The following ERICH3 variants were observed in gnomAD, a reference collection of about 807,000 sequenced individuals.
The protein encoded by ERICH3 is glutamate rich 3, also known as glutamate-rich protein 3.
A neutral mutation model predicts 131.1 loss-of-function variants in ERICH3; 126 were observed. That is an observed-to-expected ratio of 0.96 (90% CI 0.83 to 1.11). The LOEUF (loss-of-function observed/expected upper bound fraction) is 1.11, where lower values mean the gene tolerates loss of function less well. ERICH3 is among the 50% of genes most tolerant of loss of function. The pLI is 0.00. For missense variants in ERICH3, 2,050 were observed against 1,810.7 expected (o/e 1.13, Z -2.40); for synonymous variants, 695 against 644.6 (o/e 1.08, Z -1.18).
chr1:74,616,354 C>T (rs995537805), intron 8 of ERICH3, among the ~76,000 whole-genome samples: 1 of 151,874 alleles, frequency 6.6e-6, no homozygotes, highest in Non-Finnish European at 1.5e-5. Flanking sequence ...AGCAACAGGC[C>T]AGCGGACAAC....
chr1:74,579,522 G>A lies in ERICH3; in HGVS notation c.2177-2586C>T, dbSNP rs996404742. On this transcript the variant is annotated intron_variant, in intron 12 of 14. Coordinates refer to ENST00000326665, the MANE Select transcript of ERICH3 (RefSeq NM_001002912.5). ...TCGGAAGTAGATGAGAGCCTGTATA[G>A]TTAGGTGTTGCCTATTTCAGATTCA... is the stretch of plus-strand genomic sequence containing the variant. 11 of 985,322 alleles carry A rather than the reference G, an allele frequency of 1.1e-5. No individual in the cohort carries two copies. The Admixed American group carries it at 1.8e-4, about 17-fold the overall frequency. The allele number at this position is 985,322 out of a possible 1,614,324, so 61.0% of individuals were successfully genotyped here.
At chr1:74,606,390 C>A (rs1034776535) in intron 10 of ERICH3, among the ~76,000 whole-genome samples, 3 of 151,850 alleles carry the variant, frequency 2.0e-5, no homozygotes, top group Non-Finnish European at 2.9e-5. Flanking sequence ...CAGCCAGAAC[C>A]TTTAACCTTT....
chr1:74,673,669 C>T lies in ERICH3; in HGVS notation c.-150G>A. 1.5e-6 allele frequency: 1 copy of T among 676,746 alleles called. No homozygotes were observed. The highest frequency in any genetic ancestry group is 2.2e-6 in the Non-Finnish European group (1 of 455,472). The allele number at this position is 676,746 out of a possible 1,614,324, so 41.9% of individuals were successfully genotyped here. A position where few individuals can be genotyped will look rare whatever the true frequency, so the allele number is the denominator to read the frequency against. On this transcript the variant is annotated 5_prime_UTR_variant, in exon 1 of 15. Transcript: ENST00000326665. ...GGCACCTGGGCTGGGCCGCCGCCGC[C>T]CCTGGGCGCCCGGGCTACCCGCAGC...
intron 1 of ERICH3, among the ~76,000 whole-genome samples, chr1:74,667,837 T>C (rs1646706419): frequency 6.6e-6 from 1 of 152,120 alleles, no homozygotes; most frequent in Non-Finnish European, 1.5e-5. Context: ...CACCCAAATC[T>C]CATCTTCAAT....
intron 12 of ERICH3, among the ~76,000 whole-genome samples, chr1:74,583,750 C>T (rs1264640919): frequency 1.3e-5 from 2 of 152,162 alleles, no homozygotes; most frequent in South Asian, 2.1e-4. Flanking sequence ...TCTTCATTAT[C>T]GGTTCTTTCT....
chr1:74,617,210 A>G (rs1307015186), intron 8 of ERICH3, among the ~76,000 whole-genome samples: 1 of 152,026 alleles, frequency 6.6e-6, no homozygotes. Context: ...CAGAAACAAC[A>G]ATAACCTTTG....
In ERICH3 at chr1:74,571,406, C is replaced by A. The variant is rs944390351; in HGVS notation, c.4304G>T (p.Gly1435Val). The change falls in exon 14 of 15, where the codon GGA (glycine) becomes GTA (valine). Residue 1435 changes from glycine (G) to valine (V), a missense_variant. Gly to Val is a moderately radical substitution (Grantham distance 109). Transcript: ENST00000326665. ...YTTEAGVGTP[G>V]ALERKTSGLG... ...CCCTGAGGTCTTCCGCTCCAGGGCT[C>A]CTGGAGTGCCCACCCCAGCCTCTGT... 6.2e-7 allele frequency: 1 copy of A among 1,613,914 alleles called. No individual in the cohort carries two copies. The highest frequency in any genetic ancestry group is 1.7e-5 in the Admixed American group (1 of 59,996).
rs768649949 is a variant in ERICH3, at chr1:74,599,686, A to G, written c.1726+9T>C. Reference sequence around the variant, plus strand: ...CAGCCTATGTTACATGATAAGCTGAACAACTCGCCTTGTTTATCCTCTTCC... The same window carrying G: ...CAGCCTATGTTACATGATAAGCTGAGCAACTCGCCTTGTTTATCCTCTTCC... On this transcript the variant is annotated intron_variant, in intron 11 of 14. Coordinates refer to ENST00000326665, the MANE Select transcript of ERICH3 (RefSeq NM_001002912.5). 1.3e-6 allele frequency: 2 copies of G among 1,592,212 alleles called. No individual in the cohort carries two copies. The highest frequency in any genetic ancestry group is 2.2e-5 in the East Asian group (1 of 44,706).
At chr1:74,665,618 T>C (rs548556818) in intron 1 of ERICH3, among the ~76,000 whole-genome samples, 2 of 152,302 alleles carry the variant, frequency 1.3e-5, no homozygotes, top group South Asian at 4.1e-4. Flanking sequence ...GTTGGTTTCT[T>C]CTGAGGGCCA....
At chr1:74,635,842 A>G (rs768985250) in intron 6 of ERICH3, among the ~76,000 whole-genome samples, 32 of 152,218 alleles carry the variant, frequency 2.1e-4, no homozygotes, top group Non-Finnish European at 3.7e-4. Context: ...TTAAAAGTCA[A>G]ACTTGAAGCA....
intron 7 of ERICH3, 43 bp from the exon 8 acceptor site, chr1:74,620,957 C>A: frequency 7.1e-7 from 1 of 1,416,086 alleles, no homozygotes; most frequent in South Asian, 1.6e-5. Flanking sequence ...GAATTACTTT[C>A]TAATGAGAGT....
chr1:74,592,840 G>A lies in ERICH3; in HGVS notation c.1727-2760C>T, dbSNP rs533505816. Among the ~76,000 whole-genome samples the A allele has an allele frequency of 7.9e-5, 12 of 152,056 alleles. No homozygotes were observed. In the South Asian group the frequency reaches 2.3e-3, roughly 29 times the overall value. On this transcript the variant is annotated intron_variant, in intron 11 of 14. Coordinates refer to ENST00000326665, the MANE Select transcript of ERICH3 (RefSeq NM_001002912.5). ...TCTCTCATTTACATACACAGACACG[G>A]GGGTAAGACTTTGCCTATAAAAAAG...
Position 74,570,344 on chromosome 1 carries a change from C to T in ERICH3, c.*114G>A, listed in dbSNP as rs1353053174. ...CATCTCAGACAAGCGCAACCAGCAA[C>T]TAAAGAGGAGAGAGAGAAAATCAAG... On this transcript the variant is annotated 3_prime_UTR_variant, in exon 15 of 15. Coordinates refer to ENST00000326665, the MANE Select transcript of ERICH3 (RefSeq NM_001002912.5). 1 of 152,182 alleles carries T rather than the reference C, an allele frequency of 6.6e-6. No individual in the cohort carries two copies. The highest frequency in any genetic ancestry group is 1.5e-5 in the Non-Finnish European group (1 of 68,048). The allele number at this position is 152,182 out of a possible 1,614,324, so 9.4% of individuals were successfully genotyped here.
At chr1:74,573,563 T>C (rs1057182089) in intron 13 of ERICH3, 72 bp from the exon 14 acceptor site, 26 of 1,400,724 alleles carry the variant, frequency 1.9e-5, no homozygotes, top group Middle Eastern at 3.9e-4. Context: ...TATAATCTTA[T>C]ATCACACTTA....
intron 7 of ERICH3, among the ~76,000 whole-genome samples, chr1:74,630,161 G>A (rs1649544833): frequency 6.6e-6 from 1 of 152,132 alleles, no homozygotes; most frequent in Non-Finnish European, 1.5e-5. Flanking sequence ...CCCCCCAAGT[G>A]TTTCAGAATG....
At chr1:74,659,467 G>T (rs1646619896) in intron 1 of ERICH3, among the ~76,000 whole-genome samples, 1 of 152,140 alleles carries the variant, frequency 6.6e-6, no homozygotes, top group Admixed American at 6.5e-5. Flanking sequence ...CATGCCTGCT[G>T]CCAGACACAA....
intron 11 of ERICH3, 52 bp downstream of exon 11, chr1:74,599,643 G>A: frequency 1.5e-6 from 2 of 1,377,584 alleles, no homozygotes; most frequent in Non-Finnish European, 2.0e-6. Context: ...AAGAAAAGTA[G>A]TAAACACACT....
At position 74,656,770 on chromosome 1, in the gene ERICH3, A is replaced by G. The variant is rs559474989; in HGVS notation, c.24-7455T>C. Among the ~76,000 whole-genome samples the G allele has an allele frequency of 9.8e-5, 15 of 152,316 alleles. No homozygotes were observed. The East Asian group carries it at 1.2e-3, about 12-fold the overall frequency. On this transcript the variant is annotated intron_variant, in intron 1 of 14. Coordinates refer to ENST00000326665, the MANE Select transcript of ERICH3 (RefSeq NM_001002912.5). The stretch of plus-strand genomic sequence containing the variant: ...GAGGTTCTAAAAGTAGGGAGGGTTC[A>G]TCAATAAATCAATAAAGAACATGCC...
chr1:74,640,164 A>G (rs1358106378), intron 5 of ERICH3, among the ~76,000 whole-genome samples: 1 of 152,174 alleles, frequency 6.6e-6, no homozygotes, highest in Non-Finnish European at 1.5e-5. Context: ...AAAATTGAAA[A>G]GAAAGCCTTT....
Sources: gnomAD v4.1 joint callset for allele counts (sites outside exome capture counted in the v4.1 genomes callset) on GRCh38, gnomAD v4.1.1 for gene constraint, MANE v1.5 for transcripts, NCBI Gene and HGNC (gene_info 2026-07-23, HGNC 2026-07-21) for gene names.